The following FBXW8 variants were observed in gnomAD, a reference collection of about 807,000 sequenced individuals.
The protein encoded by FBXW8 is F-box/WD repeat-containing protein 8.
A neutral mutation model predicts 65.3 loss-of-function variants in FBXW8; 57 were observed. That is an observed-to-expected ratio of 0.87 (90% confidence interval 0.71 to 1.09). The LOEUF is 1.09. Among genes scored for constraint, FBXW8 ranks in the 50% least tolerant of loss-of-function variants. FBXW8 has a pLI of 0.00. For missense variants in FBXW8, 777 were observed against 814.8 expected (o/e 0.95, Z 0.57); for synonymous variants, 308 against 330.2 (o/e 0.93, Z 0.73).
Position 116,985,357 on chromosome 12 carries a change from G to C in FBXW8, c.987G>C (p.Glu329Asp). Residue 329 changes from glutamate (E) to aspartate (D), a missense_variant, in exon 6 of 11, where the codon GAG becomes GAC. Coordinates refer to ENST00000652555, the MANE Select transcript of FBXW8 (RefSeq NM_153348.3). Reference sequence around the variant, plus strand: ...ATGTCGTGATGTTATCCCCCAATGAGGAGGGGTACTGGCAGATAGCTGCGG... The same window carrying C: ...ATGTCGTGATGTTATCCCCCAATGACGAGGGGTACTGGCAGATAGCTGCGG... ...AFDVVMLSPNEEGYWQIAAEF... is the reference protein window; with the variant it reads ...AFDVVMLSPNDEGYWQIAAEF... The C allele has an allele frequency of 6.2e-7, 1 of 1,614,102 alleles. No individual in the cohort carries two copies. The highest frequency in any genetic ancestry group is 8.5e-7 in the Non-Finnish European group (1 of 1,180,018).
intron 7 of FBXW8, among the ~76,000 whole-genome samples, chr12:117,006,227 A>C (rs1592950443): frequency 6.6e-6 from 1 of 152,282 alleles, no homozygotes; most frequent in East Asian, 1.9e-4. Context: ...TTCCTCATTC[A>C]TCAGTATAGG....
At chr12:117,003,438 A>G (rs868289296) in intron 7 of FBXW8, among the ~76,000 whole-genome samples, 1 of 152,220 alleles carries the variant, frequency 6.6e-6, no homozygotes, top group Non-Finnish European at 1.5e-5. Context: ...TGGTTGGAAT[A>G]AAGACTAGGT....
chr12:117,008,128 G>A (rs1953722157), intron 7 of FBXW8, among the ~76,000 whole-genome samples: 1 of 152,138 alleles, frequency 6.6e-6, no homozygotes, highest in Non-Finnish European at 1.5e-5. Context: ...AGAACAACTG[G>A]AAGACATAAA....
intron 2 of FBXW8, among the ~76,000 whole-genome samples, chr12:116,930,985 T>C (rs1193619047): frequency 6.6e-6 from 1 of 152,188 alleles, no homozygotes; most frequent in African/African-American, 2.4e-5. Flanking sequence ...CTTTTAAATT[T>C]TTTGTAAGGA....
At position 117,028,098 on chromosome 12, in the gene FBXW8, T is replaced by C; in HGVS notation, c.1723T>C (p.Cys575Arg). The C allele has an allele frequency of 6.8e-6, 11 of 1,614,184 alleles. No individual in the cohort carries two copies. The highest frequency in any genetic ancestry group is 9.3e-6 in the Non-Finnish European group (11 of 1,180,032). The change falls in exon 11 of 11, where the codon TGC becomes CGC. Residue 575 changes from cysteine to arginine, a missense_variant. Cys to Arg is a radical substitution (Grantham distance 180, BLOSUM62 -3). Transcript: ENST00000652555. This position sits in a 1 kb window ranked among gnomAD's most constrained non-coding sequence, Gnocchi z 4.1. Reference protein sequence around the residue: ...QLAFQSPLPVCRSSCDAMATH... With the variant: ...QLAFQSPLPVRRSSCDAMATH... Reference sequence around the variant, plus strand: ...GGCCTTCCAGAGCCCTCTCCCTGTCTGCCGTTCATCCTGTGACGCCATGGC... The same window carrying C: ...GGCCTTCCAGAGCCCTCTCCCTGTCCGCCGTTCATCCTGTGACGCCATGGC...
intron 7 of FBXW8, among the ~76,000 whole-genome samples, chr12:116,989,755 CAGTT>C (rs1432567593): frequency 6.6e-6 from 1 of 152,222 alleles, no homozygotes; most frequent in Admixed American, 6.5e-5. Context: ...CCCATTCTGT[CAGTT>C]GGTGGGATTC....
In FBXW8 at chr12:116,937,625, AC is replaced by A. The variant is rs1389160105; in HGVS notation, c.424-7737del. Reference sequence around the variant, plus strand: ...AAGTTGGAGGTCACTGGTGACCTTGACCAGGGTCAGTGGTGTGTTGGGGGCA... The same window carrying A: ...AAGTTGGAGGTCACTGGTGACCTTGACAGGGTCAGTGGTGTGTTGGGGGCA... On this transcript the variant is annotated intron_variant, in intron 2 of 10. Transcript: ENST00000652555. 2.0e-5 allele frequency among the ~76,000 whole-genome samples: 3 copies of A among 152,188 alleles called. No homozygotes were observed. In the East Asian group the frequency reaches 5.8e-4, roughly 29 times the overall value.
At chr12:116,986,188 TTCTG>T (rs2135670974) in intron 6 of FBXW8, 1 of 152,316 alleles carries the variant, frequency 6.6e-6, no homozygotes, top group Admixed American at 6.5e-5. Flanking sequence ...TCCTCCCTCT[TTCTG>T]TCTGTTGGGA....
intron 8 of FBXW8, among the ~76,000 whole-genome samples, chr12:117,013,827 ATAGCT>A (rs1953882834): frequency 6.6e-6 from 1 of 152,026 alleles, no homozygotes; most frequent in African/African-American, 2.4e-5. Flanking sequence ...CAATGAATTA[ATAGCT>A]TAGGAATTGG....
At chr12:117,002,094 C>T (rs1326640080) in intron 7 of FBXW8, among the ~76,000 whole-genome samples, 1 of 152,232 alleles carries the variant, frequency 6.6e-6, no homozygotes, top group Non-Finnish European at 1.5e-5. Context: ...TTGGTTTGGC[C>T]TCACTCCGGT....
intron 7 of FBXW8, among the ~76,000 whole-genome samples, chr12:116,992,515 G>T (rs1953268078): frequency 6.6e-6 from 1 of 151,452 alleles, no homozygotes; most frequent in African/African-American, 2.4e-5. Flanking sequence ...GGGGAAGCTT[G>T]TGCTTTTAGT....
chr12:117,018,272 A>C (rs1954007037), intron 8 of FBXW8, among the ~76,000 whole-genome samples: 1 of 152,230 alleles, frequency 6.6e-6, no homozygotes, highest in Non-Finnish European at 1.5e-5. Context: ...TAATACAATT[A>C]CAGCTTTCAG....
At chr12:116,974,067 A>C (rs1393666420) in intron 5 of FBXW8, among the ~76,000 whole-genome samples, 1 of 152,196 alleles carries the variant, frequency 6.6e-6, no homozygotes, top group Non-Finnish European at 1.5e-5. Context: ...ACCAGCTGGA[A>C]ACTCCAAACA....
chr12:117,019,397 A>G (rs1954033806), intron 8 of FBXW8, among the ~76,000 whole-genome samples: 1 of 152,092 alleles, frequency 6.6e-6, no homozygotes, highest in East Asian at 1.9e-4. Context: ...CTATACAGAG[A>G]ACTCTCAACT....
chr12:116,982,824 C>T (rs977543971), intron 5 of FBXW8, among the ~76,000 whole-genome samples: 6 of 152,132 alleles, frequency 3.9e-5, no homozygotes, highest in South Asian at 2.1e-4. Flanking sequence ...ATAGCTTCCA[C>T]GCTTGGCAGC....
At chr12:116,976,376 C>A (rs1884932820) in intron 5 of FBXW8, among the ~76,000 whole-genome samples, 1 of 144,370 alleles carries the variant, frequency 6.9e-6, no homozygotes, top group Non-Finnish European at 1.5e-5. Flanking sequence ...CTGCACCCTC[C>A]CCTTTTCTTT....
chr12:116,985,510 C>T (rs534073380), intron 6 of FBXW8, 108 bp downstream of exon 6: 15 of 1,052,700 alleles, frequency 1.4e-5, no homozygotes, highest in South Asian at 6.7e-5. Flanking sequence ...GAGCTTCCTG[C>T]GGGCCTTACC....
intron 4 of FBXW8, among the ~76,000 whole-genome samples, chr12:116,960,466 A>G (rs1356588050): frequency 6.6e-6 from 1 of 152,240 alleles, no homozygotes; most frequent in Non-Finnish European, 1.5e-5. Flanking sequence ...TGTTATTATC[A>G]TACCTTTTGG....
intron 2 of FBXW8, among the ~76,000 whole-genome samples, chr12:116,939,125 G>T (rs747932392): frequency 6.6e-6 from 1 of 152,184 alleles, no homozygotes; most frequent in Non-Finnish European, 1.5e-5. Context: ...GTTGCAAAAA[G>T]AAGTCAGGAA....
Sources: gnomAD v4.1 joint callset for allele counts (sites outside exome capture counted in the v4.1 genomes callset) on GRCh38, gnomAD v4.1.1 for gene constraint, Gnocchi (gnomAD v3.1) non-coding constraint, MANE v1.5 for transcripts, NCBI Gene and HGNC (gene_info 2026-07-23, HGNC 2026-07-21) for gene names.